The following ABRAXAS2 variants were observed in gnomAD, a reference collection of about 807,000 sequenced individuals.
The protein encoded by ABRAXAS2 is BRISC complex subunit Abraxas 2.
ABRAXAS2 carries 23 observed loss-of-function variants against 49.0 expected under a neutral mutation model. The ratio of observed to expected loss-of-function variants is 0.47; its 90% CI spans 0.34 to 0.66. ABRAXAS2 has a LOEUF of 0.66. Ranked by LOEUF, ABRAXAS2 falls within the 30% of genes least tolerant of loss-of-function variation. The pLI, the probability that ABRAXAS2 is intolerant of heterozygous loss-of-function variation, is 0.01. For synonymous variants in ABRAXAS2, 168 were observed against 180.2 expected, an observed-to-expected ratio of 0.93 and a Z score of 0.54; for missense variants, 443 against 511.9, an observed-to-expected ratio of 0.87 and a Z score of 1.30.
At chr10:124,814,894 C>T (rs1950813897) in intron 2 of ABRAXAS2, 1 of 152,278 alleles carries the variant, frequency 6.6e-6, no homozygotes, top group South Asian at 2.1e-4. Context: ...ATCCGCCCAC[C>T]TCAGCCTCCC....
chr10:124,807,209 A>C (rs2134158128), intron 2 of ABRAXAS2, among the ~76,000 whole-genome samples: 1 of 148,626 alleles, frequency 6.7e-6, no homozygotes, highest in African/African-American at 2.5e-5. Context: ...GCTACTCAGG[A>C]GGCTGAGGCA....
At chr10:124,824,234 C>G (rs2134168691) in intron 4 of ABRAXAS2, among the ~76,000 whole-genome samples, 1 of 152,110 alleles carries the variant, frequency 6.6e-6, no homozygotes. Context: ...TGGCATCTAT[C>G]AAATCAATAA....
At chr10:124,813,247 A>G (rs1473988963) in intron 2 of ABRAXAS2, among the ~76,000 whole-genome samples, 1 of 152,222 alleles carries the variant, frequency 6.6e-6, no homozygotes, top group African/African-American at 2.4e-5. Flanking sequence ...AAATGTCTGC[A>G]TCTTGTTTTG....
intron 8 of ABRAXAS2, among the ~76,000 whole-genome samples, chr10:124,833,914 A>G (rs944149232): frequency 3.3e-5 from 5 of 152,164 alleles, no homozygotes; most frequent in Admixed American, 1.3e-4. Context: ...TAAGGTATAT[A>G]AGTGTATTAT....
rs1434632748 is a variant in ABRAXAS2, at chr10:124,835,008, C to T, written c.*37C>T. On this transcript the variant is annotated 3_prime_UTR_variant, in exon 9 of 9. Coordinates refer to ENST00000298492, the MANE Select transcript of ABRAXAS2 (RefSeq NM_032182.4). The stretch of plus-strand genomic sequence containing the variant: ...AAACTCTCCACCTAGCACTGTTTTT[C>T]TTCATTGCTTACTGAGAGGGTTTTT... 1.4e-6 allele frequency: 2 copies of T among 1,474,256 alleles called. No individual in the cohort carries two copies. The highest frequency in any genetic ancestry group is 1.8e-6 in the Non-Finnish European group (2 of 1,090,448). The allele number at this position is 1,474,256 out of a possible 1,614,324, so 91.3% of individuals were successfully genotyped here.
chr10:124,803,341 T>G (rs1950718825), intron 1 of ABRAXAS2, among the ~76,000 whole-genome samples: 1 of 152,236 alleles, frequency 6.6e-6, no homozygotes, highest in Non-Finnish European at 1.5e-5. Context: ...TATATTAACT[T>G]TGCCACAATT....
chr10:124,834,534 C>T lies in ABRAXAS2; in HGVS notation c.811C>T (p.Pro271Ser). Reference sequence around the variant, plus strand: ...GCAGGCAGTGTTAAGCAGACAGATGCCGTCTGAAAGCTTGGACCCAGCGTT... The same window carrying T: ...GCAGGCAGTGTTAAGCAGACAGATGTCGTCTGAAAGCTTGGACCCAGCGTT... ...LQQAVLSRQMPSESLDPAFSP... is the reference protein window; with the variant it reads ...LQQAVLSRQMSSESLDPAFSP... The change falls in exon 9 of 9, where the codon CCG becomes TCG. Residue 271 changes from proline to serine, a missense_variant. Physicochemically the swap from Pro to Ser is moderately conservative, Grantham distance 74. Transcript: ENST00000298492. 5 of 1,614,012 alleles carry T rather than the reference C, an allele frequency of 3.1e-6. No individual in the cohort carries two copies. The highest frequency in any genetic ancestry group is 4.2e-6 in the Non-Finnish European group (5 of 1,179,966).
In ABRAXAS2 at chr10:124,835,862, T is replaced by C. The variant is rs937101927; in HGVS notation, c.*891T>C. On this transcript the variant is annotated 3_prime_UTR_variant, in exon 9 of 9. Transcript: ENST00000298492. ...ATTTAGATCTTCTGACAAATCCTAG[T>C]GTTAGTTTTATCTGTGGAGGAAAGA... The C allele has an allele frequency of 6.6e-6, 1 of 152,558 alleles. No homozygotes were observed. The highest frequency in any genetic ancestry group is 2.4e-5 in the African/African-American group (1 of 41,438). 9.5% of individuals were successfully genotyped at this position (152,558 alleles called of 1,614,324 possible).
chr10:124,805,077 C>CTCAATCAAA (rs1950731892), intron 1 of ABRAXAS2, among the ~76,000 whole-genome samples: 1 of 152,096 alleles, frequency 6.6e-6, no homozygotes, highest in Non-Finnish European at 1.5e-5. Context: ...ACTCCCCCTC[C>CTCAATCAAA]TCAAATCAAA....
Position 124,835,091 on chromosome 10 carries a change from A to G in ABRAXAS2, c.*120A>G. ...CAGATACCTTAACTCCCGAGAAGAG[A>G]GTCCTTGTGCACAGAACTTGTGGGA... On this transcript the variant is annotated 3_prime_UTR_variant, in exon 9 of 9. Transcript: ENST00000298492. The G allele has an allele frequency of 1.4e-6, 1 of 735,438 alleles. No individual in the cohort carries two copies. Among genetic ancestry groups the G allele is most frequent in the South Asian group, 2.0e-5 (1 of 51,020 alleles). 45.6% of individuals were successfully genotyped at this position (735,438 alleles called of 1,614,324 possible).
chr10:124,802,218 C>T (rs753227772), intron 1 of ABRAXAS2, among the ~76,000 whole-genome samples: 41 of 152,314 alleles, frequency 2.7e-4, no homozygotes, highest in Non-Finnish European at 5.0e-4. Context: ...AGCGCCTGCC[C>T]CTCCCTGAAA....
intron 2 of ABRAXAS2, among the ~76,000 whole-genome samples, chr10:124,808,245 G>A (rs1401496175): frequency 1.3e-5 from 2 of 151,242 alleles, no homozygotes; most frequent in African/African-American, 2.4e-5. Flanking sequence ...GCACGATCTC[G>A]GCTCACTGCA....
intron 4 of ABRAXAS2, among the ~76,000 whole-genome samples, chr10:124,825,656 ATTAGAT>A (rs1950891983): frequency 1.3e-5 from 2 of 152,354 alleles, no homozygotes; most frequent in South Asian, 2.1e-4. Context: ...ATATGACACT[ATTAGAT>A]TTAAACTACC....
chr10:124,820,288 A>C (rs1406460150), intron 4 of ABRAXAS2, among the ~76,000 whole-genome samples: 1 of 152,178 alleles, frequency 6.6e-6, no homozygotes, highest in African/African-American at 2.4e-5. Context: ...TAGTCTAACC[A>C]AGCTGCCTGC....
chr10:124,825,313 G>T, intron 4 of ABRAXAS2, among the ~76,000 whole-genome samples: 1 of 79,688 alleles, frequency 1.3e-5, no homozygotes, highest in Non-Finnish European at 2.6e-5. Context: ...GCAAGACTCT[G>T]TCTCAAAAAA....
At chr10:124,815,219 G>T (rs1048189206) in intron 2 of ABRAXAS2, among the ~76,000 whole-genome samples, 26 of 151,816 alleles carry the variant, frequency 1.7e-4, no homozygotes, top group African/African-American at 5.6e-4. Flanking sequence ...AATTGAGACG[G>T]AGTCTCGCAC....
At chr10:124,804,050 T>C in intron 1 of ABRAXAS2, among the ~76,000 whole-genome samples, 1 of 152,178 alleles carries the variant, frequency 6.6e-6, no homozygotes, top group Non-Finnish European at 1.5e-5. Context: ...ATTCCACTTG[T>C]ACTTGGCTTT....
chr10:124,821,080 A>AT lies in ABRAXAS2; in HGVS notation c.267+1636dup, dbSNP rs527835363. ...AGGTATGCACCACCACACCTGGCTA[A>AT]TTTTTTGTTTTTAGTACAAACGGGG... is the stretch of plus-strand genomic sequence containing the variant. On this transcript the variant is annotated intron_variant, in intron 4 of 8. Coordinates refer to ENST00000298492, the MANE Select transcript of ABRAXAS2 (RefSeq NM_032182.4). Among the ~76,000 whole-genome samples the AT allele has an allele frequency of 2.2e-3, 337 of 151,508 alleles. 1 individual carries two copies. The highest frequency in any genetic ancestry group is 7.6e-3 in the African/African-American group (312 of 41,308).
Position 124,817,687 on chromosome 10 carries a change from G to A in ABRAXAS2, c.200+1075G>A, listed in dbSNP as rs890243253. ...CCTGACCACTCTCCCACTGTCAGCTGGCCCAAACACCTGGCCCCCTTGCAC... is the reference window on the plus strand; with the variant it reads ...CCTGACCACTCTCCCACTGTCAGCTAGCCCAAACACCTGGCCCCCTTGCAC... On this transcript the variant is annotated intron_variant, in intron 3 of 8. Coordinates refer to ENST00000298492, the MANE Select transcript of ABRAXAS2 (RefSeq NM_032182.4). 5.3e-5 allele frequency among the ~76,000 whole-genome samples: 8 copies of A among 151,990 alleles called. No homozygotes were observed. In the South Asian group the frequency reaches 1.0e-3, roughly 20 times the overall value.
Sources: allele counts gnomAD v4.1 joint callset (sites outside exome capture counted in the v4.1 genomes callset), GRCh38; gene constraint gnomAD v4.1.1; transcripts MANE v1.5; gene names NCBI Gene and HGNC (gene_info 2026-07-23, HGNC 2026-07-21).